MARCHF1: variants seen among roughly 807,000 people sequenced by gnomAD.
The protein encoded by MARCHF1 is membrane associated ring-CH-type finger 1, also known as E3 ubiquitin-protein ligase MARCHF1.
In MARCHF1, 40 loss-of-function variants were observed where a neutral mutation model predicts 54.2. The observed-to-expected ratio is 0.74, with a 90% CI of 0.57 to 0.96. The LOEUF (loss-of-function observed/expected upper bound fraction) is 0.96, where lower values mean the gene tolerates loss of function less well. Among genes scored for constraint, MARCHF1 ranks in the 40% least tolerant of loss-of-function variants. The pLI is 0.00. For missense variants in MARCHF1, 586 were observed against 656.5 expected (o/e 0.89, Z 1.17); for synonymous variants, 236 against 236.3 (o/e 1.00, Z 0.01).
chr4:163,712,280 G>A (rs1041123065), intron 4 of MARCHF1, among the ~76,000 whole-genome samples: 1 of 152,170 alleles, frequency 6.6e-6, no homozygotes, highest in African/African-American at 2.4e-5. Flanking sequence ...GGATTTAAAA[G>A]TTCTAAAACC....
chr4:163,606,083 A>C (rs1020274237), intron 7 of MARCHF1, among the ~76,000 whole-genome samples: 1 of 152,128 alleles, frequency 6.6e-6, no homozygotes, highest in African/African-American at 2.4e-5. Context: ...TGCATAACAT[A>C]TATGAAACCT....
At chr4:163,974,529 T>C (rs1331342819) in intron 3 of MARCHF1, among the ~76,000 whole-genome samples, 5 of 152,238 alleles carry the variant, frequency 3.3e-5, no homozygotes, top group Non-Finnish European at 5.9e-5. Flanking sequence ...CCAGGAATCA[T>C]GGAATAGTGA....
At chr4:163,636,033 A>C (rs560677049) in intron 5 of MARCHF1, among the ~76,000 whole-genome samples, 3 of 152,330 alleles carry the variant, frequency 2.0e-5, no homozygotes, top group Admixed American at 2.0e-4. Flanking sequence ...GGCCTTTGAC[A>C]AAATTCAACA....
chr4:163,718,812 C>T (rs1745345039), intron 4 of MARCHF1, among the ~76,000 whole-genome samples: 1 of 151,964 alleles, frequency 6.6e-6, no homozygotes, highest in Non-Finnish European at 1.5e-5. Context: ...GAAGAAGAAA[C>T]TTCTCCTATT....
intron 9 of MARCHF1, among the ~76,000 whole-genome samples, chr4:163,535,163 C>G (rs886594442): frequency 1.3e-5 from 2 of 151,858 alleles, no homozygotes; most frequent in Non-Finnish European, 2.9e-5. Flanking sequence ...TTAACATATT[C>G]TAGGTATTCC....
chr4:163,924,741 C>G lies in MARCHF1; in HGVS notation c.-39+63760G>C, dbSNP rs551272278. ...GGTGCACAACTAGTGGATACCAAAGCTGGATATTGAGCCTAGAAAGGTTTA... is the reference window on the plus strand; with the variant it reads ...GGTGCACAACTAGTGGATACCAAAGGTGGATATTGAGCCTAGAAAGGTTTA... On this transcript the variant is annotated intron_variant, in intron 3 of 9. Coordinates refer to ENST00000514618, the MANE Select transcript of MARCHF1 (RefSeq NM_001394959.1). Among the ~76,000 whole-genome samples, 7 of 151,990 alleles carry G rather than the reference C, an allele frequency of 4.6e-5. No homozygotes were observed. The South Asian group carries it at 1.5e-3, about 31-fold the overall frequency.
At chr4:163,823,556 A>G (rs930145741) in intron 4 of MARCHF1, among the ~76,000 whole-genome samples, 2 of 151,940 alleles carry the variant, frequency 1.3e-5, no homozygotes, top group African/African-American at 2.4e-5. Context: ...CAATTTCCTA[A>G]CCAAATTCAG....
chr4:164,011,801 C>T (rs923235808), intron 2 of MARCHF1, among the ~76,000 whole-genome samples: 1 of 152,126 alleles, frequency 6.6e-6, no homozygotes, highest in African/African-American at 2.4e-5. Context: ...AACATAATAT[C>T]GAGGAAAGAG....
At chr4:163,958,244 AGT>A (rs58660279) in intron 3 of MARCHF1, among the ~76,000 whole-genome samples, 4,155 of 148,234 alleles carry the variant, frequency 0.028, 154 homozygotes, top group African/African-American at 0.094. Context: ...CAATCAAGTG[AGT>A]GTGTGTGTGT....
chr4:163,757,078 T>A (rs564891844), intron 4 of MARCHF1, among the ~76,000 whole-genome samples: 1 of 152,360 alleles, frequency 6.6e-6, no homozygotes, highest in South Asian at 2.1e-4. Context: ...ATTTTTTCCT[T>A]AAACTCAACT....
rs1298998037 is a variant in MARCHF1, at chr4:163,578,293, T to G, written c.1191+7456A>C. The stretch of plus-strand genomic sequence containing the variant: ...TTATATCTGTAATAGCAACACAAGG[T>G]GACATTCTTACTAAGCAAGTGAGGT... On this transcript the variant is annotated intron_variant, in intron 8 of 9. Coordinates refer to ENST00000514618, the MANE Select transcript of MARCHF1 (RefSeq NM_001394959.1). Among the ~76,000 whole-genome samples, 3 of 152,112 alleles carry G rather than the reference T, an allele frequency of 2.0e-5. No homozygotes were observed. In the South Asian group the frequency reaches 6.2e-4, roughly 32 times the overall value.
intron 3 of MARCHF1, among the ~76,000 whole-genome samples, chr4:163,986,303 C>G (rs1372103637): frequency 1.2e-5 from 1 of 84,610 alleles, no homozygotes; most frequent in East Asian, 3.4e-4. Flanking sequence ...CTCGCTCTGT[C>G]GCCCAGGCTG....
intron 4 of MARCHF1, among the ~76,000 whole-genome samples, chr4:163,752,945 C>T (rs1001689626): frequency 2.6e-5 from 4 of 152,058 alleles, no homozygotes; most frequent in African/African-American, 7.2e-5. Context: ...TTTTCATTGC[C>T]AGTAACACTG....
At chr4:164,069,030 T>G (rs977571371) in intron 2 of MARCHF1, among the ~76,000 whole-genome samples, 8 of 151,892 alleles carry the variant, frequency 5.3e-5, no homozygotes, top group Non-Finnish European at 1.2e-4. Flanking sequence ...GGATTGTGAA[T>G]GCACCAACCG....
intron 1 of MARCHF1, among the ~76,000 whole-genome samples, chr4:164,251,314 AT>A: frequency 6.6e-6 from 1 of 152,142 alleles, no homozygotes; most frequent in South Asian, 2.1e-4. Flanking sequence ...TCAAAGTCAC[AT>A]TGTTTTACTT....
chr4:163,733,432 T>C (rs1290441393), intron 4 of MARCHF1, among the ~76,000 whole-genome samples: 4 of 147,536 alleles, frequency 2.7e-5, no homozygotes, highest in Non-Finnish European at 4.5e-5. Flanking sequence ...AACCCAAAAC[T>C]TCAATCTAGC....
In MARCHF1 at chr4:163,613,359, C is replaced by T. The variant is rs538814076; in HGVS notation, c.197G>A (p.Ser66Asn). The change falls in exon 6 of 10, where the codon AGC becomes AAC. Residue 66 changes from serine (S) to asparagine (N), a missense_variant. This residue lies in a region of MARCHF1 where 387 missense variants were observed against 394.6 expected (regional missense o/e 0.98). Transcript: ENST00000514618. ...SSPTTGTAPRSQSRLSVCPST... is the reference protein window; with the variant it reads ...SSPTTGTAPRNQSRLSVCPST... Reference sequence around the variant, plus strand: ...TGGACAGACAGACAACCTTGACTGGCTCCTGGGAGCTGTCCCTGTTGTTGG... The same window carrying T: ...TGGACAGACAGACAACCTTGACTGGTTCCTGGGAGCTGTCCCTGTTGTTGG... 115 of 1,613,102 alleles carry T rather than the reference C, an allele frequency of 7.1e-5. No individual in the cohort carries two copies. The highest frequency in any genetic ancestry group is 2.3e-4 in the Admixed American group (14 of 59,886).
intron 5 of MARCHF1, among the ~76,000 whole-genome samples, chr4:163,633,440 G>C (rs953203773): frequency 6.6e-6 from 1 of 152,170 alleles, no homozygotes; most frequent in African/African-American, 2.4e-5. Context: ...TGAGAACTAC[G>C]TAAAGAATGC....
At chr4:164,170,797 A>C (rs919487615) in intron 1 of MARCHF1, among the ~76,000 whole-genome samples, 2 of 152,172 alleles carry the variant, frequency 1.3e-5, no homozygotes, top group African/African-American at 4.8e-5. Flanking sequence ...AATTTATTCA[A>C]AACTAATGGA....
Sources: gnomAD v4.1 joint callset for allele counts (sites outside exome capture counted in the v4.1 genomes callset) on GRCh38, gnomAD v4.1.1 for gene constraint, gnomAD v4.1.1 regional missense constraint, MANE v1.5 for transcripts, NCBI Gene and HGNC (gene_info 2026-07-23, HGNC 2026-07-21) for gene names.